The following CFAP96 variants were observed in gnomAD, a reference collection of about 807,000 sequenced individuals.
The protein encoded by CFAP96 is cilia and flagella associated protein 96.
chr4:185,423,405 C>A, the CFAP96 span, among the ~76,000 whole-genome samples: 3 of 152,114 alleles, frequency 2.0e-5, no homozygotes, highest in Admixed American at 2.0e-4. Context: ...CTGGTGGAAT[C>A]CTTCAGAGAA....
chr4:185,415,402 G>A, the CFAP96 span: 3 of 1,397,796 alleles, frequency 2.1e-6, no homozygotes. Context: ...CTACAATAAA[G>A]AAAAGTACAG....
chr4:185,429,448 A>T, the CFAP96 span: 8 of 1,538,696 alleles, frequency 5.2e-6, no homozygotes, highest in Non-Finnish European at 7.0e-6. Flanking sequence ...CATGGAAAGG[A>T]TTGGCCTCTT....
the CFAP96 span, among the ~76,000 whole-genome samples, chr4:185,423,336 A>C: frequency 6.6e-6 from 1 of 152,240 alleles, no homozygotes; most frequent in South Asian, 2.1e-4. Context: ...ACTGAACCTA[A>C]TATAATACCA....
the CFAP96 span, among the ~76,000 whole-genome samples, chr4:185,444,804 TG>T: frequency 3.8e-4 from 58 of 152,228 alleles, no homozygotes; most frequent in Non-Finnish European, 7.2e-4. Context: ...CCTATAAAGT[TG>T]GTGGTAGGGA....
chr4:185,425,931 G>C, the CFAP96 span: 1 of 1,560,262 alleles, frequency 6.4e-7, no homozygotes, highest in Non-Finnish European at 8.7e-7. Flanking sequence ...GGCCGGCCCT[G>C]AAGTGGTGTC....
the CFAP96 span, among the ~76,000 whole-genome samples, chr4:185,424,654 G>A: frequency 2.0e-4 from 31 of 152,050 alleles, no homozygotes; most frequent in Non-Finnish European, 3.2e-4. Context: ...TAAGAAATCA[G>A]TTAAATAAAG....
At chr4:185,428,077 ACT>A in the CFAP96 span, among the ~76,000 whole-genome samples, 1 of 109,090 alleles carries the variant, frequency 9.2e-6, no homozygotes, top group East Asian at 2.9e-4. Context: ...CAAGAGCGAA[ACT>A]CTGTCTCAAA....
chr4:185,449,682 G>T, the CFAP96 span: 3 of 1,375,376 alleles, frequency 2.2e-6, no homozygotes, highest in South Asian at 4.0e-5. Flanking sequence ...TCTTAACTAT[G>T]AGTAATTCAC....
the CFAP96 span, chr4:185,413,986 C>G: frequency 9.7e-6 from 9 of 923,606 alleles, no homozygotes; most frequent in East Asian, 3.0e-5. Context: ...ATAAAAGTTT[C>G]CAAACACTTA....
chr4:185,424,287 C>G, the CFAP96 span, among the ~76,000 whole-genome samples: 14 of 152,088 alleles, frequency 9.2e-5, no homozygotes, highest in African/African-American at 2.9e-4. Context: ...GCCTAAGCAA[C>G]AGAGCAAGAT....
At chr4:185,422,744 A>T in the CFAP96 span, among the ~76,000 whole-genome samples, 8 of 152,232 alleles carry the variant, frequency 5.3e-5, no homozygotes, top group Non-Finnish European at 8.8e-5. Context: ...AAAATTTTAA[A>T]TCAGGGGTTC....
the CFAP96 span, among the ~76,000 whole-genome samples, chr4:185,431,136 G>A: frequency 6.6e-6 from 1 of 151,756 alleles, no homozygotes; most frequent in African/African-American, 2.4e-5. Flanking sequence ...CTTGAACCTG[G>A]GAGGTGGAGG....
the CFAP96 span, chr4:185,418,886 C>T: frequency 1.3e-6 from 1 of 784,134 alleles, no homozygotes. Flanking sequence ...TCCCCATATT[C>T]AATAATAATT....
chr4:185,445,372 A>T, the CFAP96 span: 6 of 802,616 alleles, frequency 7.5e-6, no homozygotes, highest in East Asian at 1.5e-4. Flanking sequence ...TCTGTGCATA[A>T]TTTTTAAAGC....
At chr4:185,431,387 A>C in the CFAP96 span, among the ~76,000 whole-genome samples, 1 of 152,202 alleles carries the variant, frequency 6.6e-6, no homozygotes, top group Non-Finnish European at 1.5e-5. Context: ...GCCTTTAAAA[A>C]ATTACTGGGC....
the CFAP96 span, among the ~76,000 whole-genome samples, chr4:185,425,003 G>A: frequency 1.0e-3 from 154 of 152,342 alleles, 1 homozygote; most frequent in African/African-American, 3.7e-3. Context: ...CAGGGCCATC[G>A]ATGAGTGAAG....
At chr4:185,443,342 A>ATATATATTTTTTTTTTTTTTTTTT in the CFAP96 span, among the ~76,000 whole-genome samples, 1 of 26,726 alleles carries the variant, frequency 3.7e-5, no homozygotes, top group Non-Finnish European at 7.4e-5. Flanking sequence ...ATATATATAT[A>ATATATATTTTTTTTTTTTTTTTTT]TTTTTTTTTT....
chr4:185,436,676 C>T, the CFAP96 span, among the ~76,000 whole-genome samples: 3 of 151,092 alleles, frequency 2.0e-5, no homozygotes, highest in Non-Finnish European at 4.4e-5. Context: ...CGCCACTGCA[C>T]TCCAGCCTCG....
the CFAP96 span, chr4:185,432,226 T>TA: frequency 4.1e-6 from 6 of 1,476,918 alleles, no homozygotes; most frequent in Non-Finnish European, 5.6e-6. Flanking sequence ...GGAAAAGTCT[T>TA]AAATATACCT....
Sources: allele counts gnomAD v4.1 joint callset (sites outside exome capture counted in the v4.1 genomes callset), GRCh38; gene constraint gnomAD v4.1.1; transcripts MANE v1.5; gene names NCBI Gene and HGNC (gene_info 2026-07-23, HGNC 2026-07-21).